DSCAML1: variants seen among roughly 807,000 people sequenced by gnomAD.
DSCAML1 encodes the protein DS cell adhesion molecule like 1.
A neutral mutation model predicts 200.5 loss-of-function variants in DSCAML1; 38 were observed. The observed-to-expected ratio is 0.19, with a 90% CI of 0.15 to 0.25. DSCAML1 has a LOEUF of 0.25. Among genes scored for constraint, DSCAML1 ranks in the 10% least tolerant of loss-of-function variants. DSCAML1 has a pLI of 1.00. For synonymous variants in DSCAML1, 1,215 were observed against 1,165.0 expected (o/e 1.04, Z -0.87); for missense variants, 2,223 against 2,858.8 (o/e 0.78, Z 5.07).
intron 3 of DSCAML1, among the ~76,000 whole-genome samples, chr11:117,707,275 C>T (rs1401331443): frequency 1.3e-5 from 2 of 152,202 alleles, no homozygotes; most frequent in African/African-American, 4.8e-5. Context: ...TAAATAAGTA[C>T]CACCTTCTGG....
intron 3 of DSCAML1, among the ~76,000 whole-genome samples, chr11:117,569,726 G>T (rs916476657): frequency 5.3e-5 from 8 of 152,174 alleles, no homozygotes; most frequent in African/African-American, 1.9e-4. Context: ...AGCCAGGTAG[G>T]CTTGTGAATG....
intron 3 of DSCAML1, among the ~76,000 whole-genome samples, chr11:117,705,026 G>A (rs369287261): frequency 2.6e-5 from 4 of 152,282 alleles, no homozygotes; most frequent in Admixed American, 6.5e-5. Flanking sequence ...AAGACTCTGC[G>A]TACCCACGCC....
chr11:117,517,459 A>G (rs1157470488), intron 7 of DSCAML1, among the ~76,000 whole-genome samples: 1 of 152,170 alleles, frequency 6.6e-6, no homozygotes, highest in East Asian at 1.9e-4. Context: ...CATCCAGAAC[A>G]TGAGGGGCCC....
intron 3 of DSCAML1, among the ~76,000 whole-genome samples, chr11:117,564,291 C>T (rs760767611): frequency 8.5e-5 from 13 of 152,166 alleles, no homozygotes; most frequent in Admixed American, 4.6e-4. Flanking sequence ...CATTGCCTTC[C>T]GAGATGGAAT....
chr11:117,679,459 T>C (rs944836312), intron 3 of DSCAML1, among the ~76,000 whole-genome samples: 8 of 152,238 alleles, frequency 5.3e-5, no homozygotes, highest in Non-Finnish European at 1.2e-4. Context: ...AACTTGGCTG[T>C]GATTGCTGGG....
chr11:117,740,419 G>A (rs2054399915), intron 3 of DSCAML1, among the ~76,000 whole-genome samples: 1 of 152,248 alleles, frequency 6.6e-6, no homozygotes, highest in South Asian at 2.1e-4. Context: ...GACTGAGGTG[G>A]AGAGGAGGTT....
intron 11 of DSCAML1, among the ~76,000 whole-genome samples, chr11:117,486,457 AGCGGATGTGAAAATG>A (rs72381079): frequency 0.43 from 64,615 of 149,046 alleles, 14,456 homozygotes; most frequent in Admixed American, 0.53. Flanking sequence ...ATATGAAAGT[AGCGGATGTGAAAATG>A]GTGGATGTGA....
chr11:117,546,148 C>A (rs989259437), intron 3 of DSCAML1, among the ~76,000 whole-genome samples: 1 of 152,194 alleles, frequency 6.6e-6, no homozygotes, highest in East Asian at 1.9e-4. Context: ...TTTATCTCTG[C>A]CTTTGGGCTC....
At chr11:117,475,166 C>T (rs763171846) in intron 14 of DSCAML1, among the ~76,000 whole-genome samples, 10 of 152,112 alleles carry the variant, frequency 6.6e-5, no homozygotes, top group African/African-American at 1.7e-4. Context: ...TAGCTCTCCA[C>T]GTGCTCAGCA....
At chr11:117,639,216 G>C (rs893345640) in intron 3 of DSCAML1, among the ~76,000 whole-genome samples, 2 of 152,060 alleles carry the variant, frequency 1.3e-5, no homozygotes, top group Admixed American at 1.3e-4. Context: ...TGGCTGGGAA[G>C]CTGCATGGGT....
At chr11:117,595,383 C>CT (rs1460170212) in intron 3 of DSCAML1, among the ~76,000 whole-genome samples, 1 of 152,168 alleles carries the variant, frequency 6.6e-6, no homozygotes, top group Non-Finnish European at 1.5e-5. Context: ...AAGAGATAGA[C>CT]TTGGTATATT....
At chr11:117,565,825 G>T (rs1433397062) in intron 3 of DSCAML1, among the ~76,000 whole-genome samples, 3 of 152,224 alleles carry the variant, frequency 2.0e-5, no homozygotes, top group Non-Finnish European at 1.5e-5. Flanking sequence ...GATGGCGGCG[G>T]AAGACTGAGT....
chr11:117,522,740 C>T (rs972126275), intron 5 of DSCAML1, among the ~76,000 whole-genome samples: 13 of 152,226 alleles, frequency 8.5e-5, no homozygotes, highest in Non-Finnish European at 1.5e-4. Context: ...TGCTAGCCAC[C>T]GTCTCCTCAC....
At chr11:117,754,530 C>G (rs938604835) in intron 3 of DSCAML1, among the ~76,000 whole-genome samples, 2 of 152,046 alleles carry the variant, frequency 1.3e-5, no homozygotes, top group African/African-American at 4.8e-5. Flanking sequence ...TGGACGCACT[C>G]TCATAGAGAG....
Position 117,437,025 on chromosome 11 carries a change from T to C in DSCAML1, c.4720+97A>G, listed in dbSNP as rs1244334649. 4 of 1,471,274 alleles carry C rather than the reference T, an allele frequency of 2.7e-6. 1 individual carries two copies. The highest frequency in any genetic ancestry group is 3.6e-6 in the Non-Finnish European group (4 of 1,099,698). 91.1% of individuals were successfully genotyped at this position (1,471,274 alleles called of 1,614,324 possible). A position where few individuals can be genotyped will look rare whatever the true frequency, so the allele number is the denominator to read the frequency against. ...CCACCTGCATTCCTGCCTGTTTTTC[T>C]ATTAGTCTGTCTCTTTATGTATCTG... On this transcript the variant is annotated intron_variant, in intron 26 of 32. Transcript: ENST00000651296. This position sits in a 1 kb window ranked among gnomAD's most constrained non-coding sequence, Gnocchi z 5.3.
chr11:117,481,133 CT>C (rs756903829), intron 13 of DSCAML1, 40 bp downstream of exon 13: 2 of 1,598,356 alleles, frequency 1.3e-6, no homozygotes, highest in South Asian at 2.2e-5. Context: ...CCCCTGGGCC[CT>C]GGGGAGGTGG....
At chr11:117,510,536 A>T (rs523825) in intron 8 of DSCAML1, among the ~76,000 whole-genome samples, 3 of 152,196 alleles carry the variant, frequency 2.0e-5, no homozygotes, top group African/African-American at 7.2e-5. Flanking sequence ...AGCCCATCCC[A>T]GATCGCCTTA....
chr11:117,611,804 C>G (rs1160314368), intron 3 of DSCAML1: 2 of 152,214 alleles, frequency 1.3e-5, no homozygotes, highest in Non-Finnish European at 2.9e-5. Flanking sequence ...CCTTTCCCTC[C>G]TTACCTTGCC....
chr11:117,455,924 T>C (rs1356385206), intron 19 of DSCAML1, among the ~76,000 whole-genome samples: 1 of 152,222 alleles, frequency 6.6e-6, no homozygotes, highest in Non-Finnish European at 1.5e-5. Flanking sequence ...TAACTTTTGC[T>C]TAGGTATCTG....
Sources: gnomAD v4.1 joint callset for allele counts (sites outside exome capture counted in the v4.1 genomes callset) on GRCh38, gnomAD v4.1.1 for gene constraint, Gnocchi (gnomAD v3.1) non-coding constraint, MANE v1.5 for transcripts, NCBI Gene and HGNC (gene_info 2026-07-23, HGNC 2026-07-21) for gene names.